The following TENM3 variants were observed in gnomAD, a reference collection of about 807,000 sequenced individuals.
TENM3 encodes teneurin-3.
A neutral mutation model predicts 255.1 loss-of-function variants in TENM3; 63 were observed. That is an observed-to-expected ratio of 0.25 (90% CI 0.20 to 0.30). TENM3 has a LOEUF of 0.30. TENM3 is among the 10% of genes least tolerant of loss of function. The pLI is 1.00. For synonymous variants in TENM3, 1,306 were observed against 1,322.3 expected, an observed-to-expected ratio of 0.99 and a Z score of 0.27; for missense variants, 2,929 against 3,461.1, an observed-to-expected ratio of 0.85 and a Z score of 3.86.
the TENM3 span, among the ~76,000 whole-genome samples, chr4:181,475,547 A>G: frequency 6.6e-6 from 1 of 152,204 alleles, no homozygotes; most frequent in Non-Finnish European, 1.5e-5. Context: ...TCTGCATCAT[A>G]GATGCCATTA....
At chr4:182,398,667 C>T (rs182711375) in intron 3 of TENM3, among the ~76,000 whole-genome samples, 2 of 152,214 alleles carry the variant, frequency 1.3e-5, no homozygotes, top group Admixed American at 6.5e-5. Flanking sequence ...AGGCATGGAA[C>T]GTGGAGGAAA....
At chr4:181,456,607 T>G in the TENM3 span, among the ~76,000 whole-genome samples, 9 of 152,006 alleles carry the variant, frequency 5.9e-5, 1 homozygote, top group African/African-American at 2.2e-4. Context: ...AGCTGGTTGA[T>G]AGTGGAGATG....
At chr4:181,642,212 C>T in the TENM3 span, among the ~76,000 whole-genome samples, 8 of 151,824 alleles carry the variant, frequency 5.3e-5, no homozygotes, top group South Asian at 1.7e-3. Flanking sequence ...TTTCATTTCT[C>T]TAATGACCAG....
At chr4:181,979,287 G>A in the TENM3 span, among the ~76,000 whole-genome samples, 1 of 150,726 alleles carries the variant, frequency 6.6e-6, no homozygotes, top group East Asian at 2.0e-4. Context: ...GAAGCTGTCT[G>A]GTGGCCAAAT....
the TENM3 span, among the ~76,000 whole-genome samples, chr4:181,525,506 G>A: frequency 6.6e-6 from 1 of 151,932 alleles, no homozygotes; most frequent in Admixed American, 6.6e-5. Context: ...TGCTAACTGA[G>A]TAGAGATTAA....
chr4:182,004,121 G>A, the TENM3 span, among the ~76,000 whole-genome samples: 1 of 151,532 alleles, frequency 6.6e-6, no homozygotes, highest in African/African-American at 2.4e-5. Flanking sequence ...AACAAAACAG[G>A]ATATATGTAC....
the TENM3 span, among the ~76,000 whole-genome samples, chr4:181,971,291 C>G: frequency 6.6e-6 from 1 of 152,148 alleles, no homozygotes; most frequent in South Asian, 2.1e-4. Flanking sequence ...TACTCTGTAC[C>G]TAGCATGGTG....
intron 3 of TENM3, 115 bp downstream of exon 3, chr4:182,347,044 C>G (rs1580238987): frequency 7.6e-6 from 7 of 926,362 alleles, no homozygotes; most frequent in Non-Finnish European, 1.1e-5. Context: ...TTCTTTCTCT[C>G]TCTTTCTTGT....
At chr4:181,518,417 G>A in the TENM3 span, among the ~76,000 whole-genome samples, 1,548 of 143,108 alleles carry the variant, frequency 0.011, 9 homozygotes, top group Middle Eastern at 0.041. Flanking sequence ...TGTTGTTGTT[G>A]TTTGGTTTGG....
Position 182,324,225 on chromosome 4 carries a change from A to G in TENM3, c.205A>G (p.Arg69Gly). The G allele has an allele frequency of 6.2e-7, 1 of 1,613,936 alleles. No homozygotes were observed. Among genetic ancestry groups the G allele is most frequent in the Non-Finnish European group, 8.5e-7 (1 of 1,179,794 alleles). ...CAACAGAGTGAAGGATTTGGTTCAC[A>G]GAGAAGCAGACGAGTTCACTAGACA... ...YGNRVKDLVH[R>G]EADEFTRQGQ... The change falls in exon 2 of 28, where the codon AGA becomes GGA. Residue 69 changes from arginine to glycine, a missense_variant. Transcript: ENST00000511685.
At chr4:181,629,618 G>A in the TENM3 span, among the ~76,000 whole-genome samples, 120 of 152,270 alleles carry the variant, frequency 7.9e-4, no homozygotes, top group Non-Finnish European at 1.5e-3. Flanking sequence ...CTTTGGTTCT[G>A]TTTATATGCT....
At chr4:182,544,130 A>C (rs1258367995) in intron 3 of TENM3, among the ~76,000 whole-genome samples, 1 of 152,142 alleles carries the variant, frequency 6.6e-6, no homozygotes, top group Non-Finnish European at 1.5e-5. Context: ...AGTTTATATA[A>C]CTAATAACAA....
intron 1 of TENM3, among the ~76,000 whole-genome samples, chr4:182,254,651 C>A (rs961802945): frequency 2.6e-5 from 4 of 152,072 alleles, no homozygotes; most frequent in Admixed American, 1.3e-4. Flanking sequence ...TTCATTTAAA[C>A]CTAGTAAGCT....
the TENM3 span, among the ~76,000 whole-genome samples, chr4:181,950,855 A>T: frequency 6.6e-6 from 1 of 152,174 alleles, no homozygotes; most frequent in Non-Finnish European, 1.5e-5. Flanking sequence ...AGCCTGGGCA[A>T]CATAGTGGGA....
At chr4:181,757,718 A>T in the TENM3 span, among the ~76,000 whole-genome samples, 1 of 152,324 alleles carries the variant, frequency 6.6e-6, no homozygotes, top group African/African-American at 2.4e-5. Context: ...AATGAAAAAC[A>T]GTCTACCCAT....
intron 12 of TENM3, chr4:182,697,808 T>G (rs1757544633): frequency 6.6e-6 from 1 of 152,202 alleles, no homozygotes; most frequent in Non-Finnish European, 1.5e-5. Context: ...AGAGGTCACT[T>G]AATCTCTTTT....
At chr4:181,910,576 G>A in the TENM3 span, among the ~76,000 whole-genome samples, 2 of 140,432 alleles carry the variant, frequency 1.4e-5, no homozygotes, top group Non-Finnish European at 3.0e-5. Flanking sequence ...TATATATAAT[G>A]TACATATGTA....
intron 1 of TENM3, among the ~76,000 whole-genome samples, chr4:182,319,153 C>T (rs1343351780): frequency 6.6e-6 from 1 of 152,136 alleles, no homozygotes; most frequent in African/African-American, 2.4e-5. Context: ...AAAGGCTTTG[C>T]CCACTGATGC....
the TENM3 span, among the ~76,000 whole-genome samples, chr4:181,971,902 G>T: frequency 6.6e-6 from 1 of 152,106 alleles, no homozygotes; most frequent in African/African-American, 2.4e-5. Flanking sequence ...CCACTGAGAA[G>T]CATGTCAGTC....
Sources: allele counts gnomAD v4.1 joint callset (sites outside exome capture counted in the v4.1 genomes callset), GRCh38; gene constraint gnomAD v4.1.1; transcripts MANE v1.5; gene names NCBI Gene and HGNC (gene_info 2026-07-23, HGNC 2026-07-21).